BRD4: variants seen among roughly 807,000 people sequenced by gnomAD.
BRD4 encodes the protein bromodomain-containing protein 4.
Under a neutral mutation model 142.1 loss-of-function variants are expected in BRD4, and 16 were observed. That is an observed-to-expected ratio of 0.11 (90% confidence interval 0.08 to 0.17). The LOEUF is 0.17. Among genes scored for constraint, BRD4 ranks in the 10% least tolerant of loss-of-function variants. The pLI is 1.00. For missense variants in BRD4, 1,424 were observed against 1,810.9 expected (o/e 0.79, Z 3.88); for synonymous variants, 833 against 707.5 (o/e 1.18, Z -2.82).
chr19:15,261,933 C>G (rs1458915910), intron 7 of BRD4, among the ~76,000 whole-genome samples: 1 of 152,160 alleles, frequency 6.6e-6, no homozygotes, highest in East Asian at 1.9e-4. Context: ...AAGCTCCAAG[C>G]CTGAGCATGC....
chr19:15,240,589 C>T (rs1016453007), intron 14 of BRD4, among the ~76,000 whole-genome samples: 27 of 152,222 alleles, frequency 1.8e-4, no homozygotes, highest in Non-Finnish European at 2.9e-5. Flanking sequence ...TTGGCCTCCA[C>T]CTGCGCCGAG....
At chr19:15,249,329 G>A (rs746486312) in intron 11 of BRD4, 2 of 1,613,850 alleles carry the variant, frequency 1.2e-6, no homozygotes, top group South Asian at 1.1e-5. Context: ...GAGAGAAATG[G>A]TGTGGAATGT....
rs1300121597 is a variant in BRD4 at position 15,236,370 on chromosome 19, G to C, written c.*2007C>G. ...CAGGAATGTGTGTGTATGTGCATGGGGGGTGAGGATCCTATTTTGGGGGAT... is the reference window on the plus strand; with the variant it reads ...CAGGAATGTGTGTGTATGTGCATGGCGGGTGAGGATCCTATTTTGGGGGAT... On this transcript the variant is annotated 3_prime_UTR_variant, in exon 20 of 20. Coordinates refer to ENST00000679869, the MANE Select transcript of BRD4 (RefSeq NM_001379291.1). The C allele has an allele frequency of 6.6e-6, 1 of 152,238 alleles. No homozygotes were observed. 9.4% of individuals were successfully genotyped at this position (152,238 alleles called of 1,614,324 possible).
Position 15,296,838 on chromosome 19 carries a change from C to A in BRD4, c.-34-23705G>T, listed in dbSNP as rs2047826898. On this transcript the variant is annotated intron_variant, in intron 1 of 19. Transcript: ENST00000679869. ...TTGTGTTGACAGAGACTTCTCTAAT[C>A]TGAAGAGCAACTGTTTCTCCCTGGT... Among the ~76,000 whole-genome samples, 3 of 152,238 alleles carry A rather than the reference C, an allele frequency of 2.0e-5. No homozygotes were observed. The South Asian group carries it at 6.2e-4, about 32-fold the overall frequency.
At chr19:15,331,771 C>G (rs2048161594) in intron 1 of BRD4, 1 of 150,816 alleles carries the variant, frequency 6.6e-6, no homozygotes, top group Non-Finnish European at 1.5e-5. Flanking sequence ...CGCGGCCGAG[C>G]CCGCCTAGAG....
At chr19:15,255,944 C>T (rs376290999) in intron 9 of BRD4, 120 bp downstream of exon 9, 19 of 1,341,632 alleles carry the variant, frequency 1.4e-5, no homozygotes, top group South Asian at 5.7e-5. Context: ...TGTGAAGCCA[C>T]GGCTGCAGAG....
intron 1 of BRD4, among the ~76,000 whole-genome samples, chr19:15,298,660 A>G (rs4425015): frequency 4.9e-5 from 6 of 121,212 alleles, no homozygotes; most frequent in African/African-American, 1.9e-4. Context: ...AAAAAAAAAA[A>G]GCTTGTGGTC....
intron 1 of BRD4, among the ~76,000 whole-genome samples, chr19:15,327,919 G>GGGT: frequency 8.6e-5 from 1 of 11,622 alleles, no homozygotes; most frequent in African/African-American, 1.0e-3. Flanking sequence ...GATTTCTTTT[G>GGGT]GGGGGGGGGG....
At chr19:15,256,856 A>T in intron 8 of BRD4, 108 bp downstream of exon 8, 1 of 1,008,304 alleles carries the variant, frequency 9.9e-7, no homozygotes, top group Non-Finnish European at 1.4e-6. Context: ...AGTGGGAATT[A>T]TGCTCCCTTG....
intron 2 of BRD4, 83 bp downstream of exon 2, chr19:15,272,727 ACCCTC>A (rs1413426055): frequency 7.7e-7 from 1 of 1,296,548 alleles, no homozygotes; most frequent in African/African-American, 1.5e-5. Flanking sequence ...TGCATCTCCT[ACCCTC>A]CCCCCAGGAA....
rs867367622 is a variant in BRD4, at chr19:15,239,178, G to A, written c.3663C>T (p.Ser1221=). Reference sequence around the variant, plus strand: ...CGCGGCGGAACTGCTCGAAGCTGTCGCTGGATGACTTGGCTGTGGAGGAGG... The same window carrying A: ...CGCGGCGGAACTGCTCGAAGCTGTCACTGGATGACTTGGCTGTGGAGGAGG... ...TTPSSTAKSS[S]DSFEQFRRAA... is the part of the protein sequence containing the mutation. The change falls in exon 18 of 20, where the codon AGC becomes AGT. Residue 1221 remains serine (S), a synonymous_variant. Coordinates refer to ENST00000679869, the MANE Select transcript of BRD4 (RefSeq NM_001379291.1). The surrounding 1 kb of genome is among the most constrained non-coding windows in gnomAD (Gnocchi z 7.4). 1.7e-5 allele frequency: 28 copies of A among 1,613,106 alleles called. No homozygotes were observed. In the Middle Eastern group the frequency reaches 9.9e-4, roughly 57 times the overall value.
chr19:15,253,590 T>G, intron 11 of BRD4: 1 of 1,588,550 alleles, frequency 6.3e-7, no homozygotes, highest in Non-Finnish European at 8.5e-7. Context: ...GAGCACACTC[T>G]GGGGAGGGGT....
At chr19:15,302,668 CAAAAAAAAAAAA>C (rs572714842) in intron 1 of BRD4, among the ~76,000 whole-genome samples, 17 of 56,790 alleles carry the variant, frequency 3.0e-4, no homozygotes, top group African/African-American at 8.3e-4. Flanking sequence ...GACTCCGACT[CAAAAAAAAAAAA>C]AAAAAAAAAA....
chr19:15,261,954 C>G (rs181032912), intron 7 of BRD4, among the ~76,000 whole-genome samples: 1 of 152,092 alleles, frequency 6.6e-6, no homozygotes, highest in Non-Finnish European at 1.5e-5. Flanking sequence ...ATTTAAATAA[C>G]AAGAGCCACA....
chr19:15,291,933 C>T lies in BRD4; in HGVS notation c.-34-18800G>A, dbSNP rs1216423220. Among the ~76,000 whole-genome samples, 8 of 152,244 alleles carry T rather than the reference C, an allele frequency of 5.3e-5. No homozygotes were observed. The East Asian group carries it at 5.8e-4, about 11-fold the overall frequency. On this transcript the variant is annotated intron_variant, in intron 1 of 19. Coordinates refer to ENST00000679869, the MANE Select transcript of BRD4 (RefSeq NM_001379291.1). ...AAGGTTCAGTCATCCTTGACTCTAC[C>T]CTTCAGGCAGGTTATGATGTCAGCA... is the stretch of plus-strand genomic sequence containing the variant.
chr19:15,251,977 G>A (rs1207587681), intron 11 of BRD4, among the ~76,000 whole-genome samples: 2 of 152,250 alleles, frequency 1.3e-5, no homozygotes, highest in African/African-American at 2.4e-5. Context: ...CAGCGGCTCT[G>A]AGACTGTAAA....
chr19:15,295,368 C>T (rs1485344053), intron 1 of BRD4, among the ~76,000 whole-genome samples: 3 of 152,224 alleles, frequency 2.0e-5, no homozygotes, highest in Non-Finnish European at 4.4e-5. Flanking sequence ...CCGGGAATAC[C>T]TTGTTCTCCA....
At chr19:15,259,483 C>T (rs2047446469) in intron 7 of BRD4, among the ~76,000 whole-genome samples, 1 of 152,184 alleles carries the variant, frequency 6.6e-6, no homozygotes, top group African/African-American at 2.4e-5. Context: ...TCTCCAAAGG[C>T]CCCAACAACA....
intron 7 of BRD4, among the ~76,000 whole-genome samples, chr19:15,261,625 T>C (rs1401960312): frequency 1.3e-5 from 2 of 152,234 alleles, no homozygotes; most frequent in East Asian, 3.9e-4. Flanking sequence ...AGGGCAACAA[T>C]TCCCCAAGTC....
Sources: allele counts gnomAD v4.1 joint callset (sites outside exome capture counted in the v4.1 genomes callset), GRCh38; gene constraint gnomAD v4.1.1; non-coding constraint Gnocchi (gnomAD v3.1); transcripts MANE v1.5; gene names NCBI Gene and HGNC (gene_info 2026-07-23, HGNC 2026-07-21).